The following GRPEL1 variants were observed in gnomAD, a reference collection of about 807,000 sequenced individuals.
The protein encoded by GRPEL1 is grpE protein homolog 1, mitochondrial.
GRPEL1 carries 13 observed loss-of-function variants against 22.1 expected under a neutral mutation model. The observed-to-expected ratio is 0.59, with a 90% CI of 0.38 to 0.94. The LOEUF (loss-of-function observed/expected upper bound fraction) is 0.94. GRPEL1 is among the 40% of genes least tolerant of loss of function. The pLI is 0.00. For synonymous variants in GRPEL1, 109 were observed against 105.3 expected, an observed-to-expected ratio of 1.03 and a Z score of -0.21; for missense variants, 289 against 264.6, an observed-to-expected ratio of 1.09 and a Z score of -0.64.
In GRPEL1 at chr4:7,060,824, T is replaced by A; in HGVS notation, c.*38A>T. ...CAATGAACCAGCCTTGAGAGTTACATCAAGTGAGTTTAAAAACACCCACCC... is the reference window on the plus strand; with the variant it reads ...CAATGAACCAGCCTTGAGAGTTACAACAAGTGAGTTTAAAAACACCCACCC... On this transcript the variant is annotated 3_prime_UTR_variant, in exon 4 of 4. Coordinates refer to ENST00000264954, the MANE Select transcript of GRPEL1 (RefSeq NM_025196.4). 1 of 1,522,692 alleles carries A rather than the reference T, an allele frequency of 6.6e-7. No homozygotes were observed. Among genetic ancestry groups the A allele is most frequent in the Non-Finnish European group, 9.0e-7 (1 of 1,113,428 alleles). 94.3% of individuals were successfully genotyped at this position (1,522,692 alleles called of 1,614,324 possible). A position where few individuals can be genotyped will look rare whatever the true frequency, so the allele number is the denominator to read the frequency against.
In GRPEL1 at chr4:7,068,003, C is replaced by T. The variant is rs1356313208; in HGVS notation, c.30G>A (p.Arg10=). 4 of 1,613,146 alleles carry T rather than the reference C, an allele frequency of 2.5e-6. No individual in the cohort carries two copies. The highest frequency in any genetic ancestry group is 4.5e-5 in the East Asian group (2 of 44,868). MAAQCVRLA[R]RSLPALALSL... Reference sequence around the variant, plus strand: ...ACAACGCCAAAGCAGGAAGACTGCGCCGCGCCAACCTCACGCACTGAGCCG... The same window carrying T: ...ACAACGCCAAAGCAGGAAGACTGCGTCGCGCCAACCTCACGCACTGAGCCG... The change falls in exon 1 of 4, where the codon CGG becomes CGA. Residue 10 remains arginine, a synonymous_variant. Coordinates refer to ENST00000264954, the MANE Select transcript of GRPEL1 (RefSeq NM_025196.4).
At position 7,061,424 on chromosome 4, in the gene GRPEL1, A is replaced by G. The variant is rs1724038435; in HGVS notation, c.308-216T>C. 7 of 538,950 alleles carry G rather than the reference A, an allele frequency of 1.3e-5. No homozygotes were observed. The South Asian group carries it at 1.7e-4, about 13-fold the overall frequency. 33.4% of individuals were successfully genotyped at this position (538,950 alleles called of 1,614,324 possible). A position where few individuals can be genotyped will look rare whatever the true frequency, so the allele number is the denominator to read the frequency against. ...GAATTTACTAAATTTAGAATTCACT[A>G]AAATGTGAAGAAAGGAGTGCAGTAG... On this transcript the variant is annotated intron_variant, in intron 3 of 3. Coordinates refer to ENST00000264954, the MANE Select transcript of GRPEL1 (RefSeq NM_025196.4).
chr4:7,064,778 C>T (rs775251760), intron 1 of GRPEL1, among the ~76,000 whole-genome samples: 7 of 152,250 alleles, frequency 4.6e-5, no homozygotes, highest in East Asian at 1.9e-4. Flanking sequence ...GGATTACAGG[C>T]GTGAGCCACC....
intron 1 of GRPEL1, among the ~76,000 whole-genome samples, chr4:7,064,846 G>A (rs1172836200): frequency 6.6e-6 from 1 of 152,162 alleles, no homozygotes; most frequent in Admixed American, 6.5e-5. Flanking sequence ...CCAAGCTACA[G>A]TATGGTGGCA....
chr4:7,064,462 A>G (rs11947239), intron 1 of GRPEL1: 142 of 327,992 alleles, frequency 4.3e-4, no homozygotes, highest in African/African-American at 2.6e-3. Context: ...AAACATATAT[A>G]TATTTTTTTA....
Position 7,064,140 on chromosome 4 carries a change from T to G in GRPEL1, c.146A>C (p.Gln49Pro). ...NLEEDMGQSE[Q>P]KADPPATEKT... ...CTCTGTAGCAGGAGGATCTGCCTTCTGTTCACTCTGACCCATGTCCTCTTC... is the reference window on the plus strand; with the variant it reads ...CTCTGTAGCAGGAGGATCTGCCTTCGGTTCACTCTGACCCATGTCCTCTTC... Residue 49 changes from glutamine (Q) to proline (P), a missense_variant, in exon 2 of 4, where the codon CAG (glutamine) becomes CCG (proline). Transcript: ENST00000264954. The G allele has an allele frequency of 1.2e-6, 2 of 1,614,244 alleles. No homozygotes were observed. Among genetic ancestry groups the G allele is most frequent in the South Asian group, 1.1e-5 (1 of 91,084 alleles).
intron 1 of GRPEL1, 87 bp from the exon 2 acceptor site, chr4:7,064,310 C>T (rs188846570): frequency 2.9e-6 from 4 of 1,363,062 alleles, no homozygotes; most frequent in Non-Finnish European, 4.0e-6. Flanking sequence ...CTTAAAATAG[C>T]TTCAAACTAT....
At chr4:7,061,290 T>A in intron 3 of GRPEL1, 82 bp from the exon 4 acceptor site, 1 of 1,063,886 alleles carries the variant, frequency 9.4e-7, no homozygotes, top group Non-Finnish European at 1.4e-6. Context: ...TGACCTGATG[T>A]GGAGGCTATT....
At chr4:7,062,094 A>AGGGCTAAG (rs1443149462) in intron 3 of GRPEL1, 1 of 215,476 alleles carries the variant, frequency 4.6e-6, no homozygotes, top group Non-Finnish European at 9.1e-6. Context: ...TTACTTCCGG[A>AGGGCTAAG]GGGCTAAGGG....
Position 7,064,060 on chromosome 4 carries a change from CCA to C in GRPEL1, c.224_225del (p.Val75GlyfsTer4). 6.2e-7 allele frequency: 1 copy of C among 1,613,810 alleles called. No individual in the cohort carries two copies. ...VKLEEQLKET[V>X]EKYKRALADT... ...CCCCACAGGAGCCTCACAGTCCTCA[CCA>C]CAGTCTCCTTCAGCTGTTCCTCCAA... On this transcript the variant is annotated frameshift_variant and splice_region_variant, in exon 2 of 4. Transcript: ENST00000264954. LOFTEE classifies it high-confidence loss of function.
chr4:7,061,485 G>A, intron 3 of GRPEL1: 1 of 366,816 alleles, frequency 2.7e-6, no homozygotes, highest in South Asian at 3.3e-5. Context: ...AAGCCCAGAT[G>A]TCAAGCAAGC....
In GRPEL1 at chr4:7,068,034, A is replaced by T; in HGVS notation, c.-2T>A. The stretch of plus-strand genomic sequence containing the variant: ...CAACCTCACGCACTGAGCCGCCATG[A>T]CTGCCACTGCCCGTCGCAGTCGCCG... On this transcript the variant is annotated 5_prime_UTR_variant, in exon 1 of 4. Transcript: ENST00000264954. 1 of 1,612,606 alleles carries T rather than the reference A, an allele frequency of 6.2e-7. No individual in the cohort carries two copies. The highest frequency in any genetic ancestry group is 8.5e-7 in the Non-Finnish European group (1 of 1,179,656).
chr4:7,067,163 A>G (rs148909217), intron 1 of GRPEL1, among the ~76,000 whole-genome samples: 409 of 152,300 alleles, frequency 2.7e-3, no homozygotes, highest in African/African-American at 9.3e-3. Context: ...GGCTTCTCTA[A>G]TCAATAACTT....
rs1724006723 is a variant in GRPEL1 at position 7,060,276 on chromosome 4, C to T, written c.*586G>A. The T allele has an allele frequency of 6.5e-6, 1 of 152,756 alleles. No homozygotes were observed. The allele number at this position is 152,756 out of a possible 1,614,324, so 9.5% of individuals were successfully genotyped here. A position where few individuals can be genotyped will look rare whatever the true frequency, so the allele number is the denominator to read the frequency against. ...AACTTTGCCAAGCCAAGCTCAATTC[C>T]TGGCCAAATAATGGGGGAGAACTGT... On this transcript the variant is annotated 3_prime_UTR_variant, in exon 4 of 4. Transcript: ENST00000264954.
chr4:7,064,069 C>T lies in GRPEL1; in HGVS notation c.217G>A (p.Glu73Lys), dbSNP rs1380942256. 3 of 1,614,132 alleles carry T rather than the reference C, an allele frequency of 1.9e-6. No homozygotes were observed. Among genetic ancestry groups the T allele is most frequent in the Non-Finnish European group, 2.5e-6 (3 of 1,179,980 alleles). ...EKVKLEEQLKETVEKYKRALA... is the reference protein window; with the variant it reads ...EKVKLEEQLKKTVEKYKRALA... ...AGCCTCACAGTCCTCACCACAGTCT[C>T]CTTCAGCTGTTCCTCCAACTTGACC... The change falls in exon 2 of 4, where the codon GAG (glutamate) becomes AAG (lysine). Residue 73 changes from glutamate to lysine, a missense_variant. By Grantham distance (56) the Glu-to-Lys change is moderately conservative. Transcript: ENST00000264954.
intron 2 of GRPEL1, 97 bp downstream of exon 2, chr4:7,063,964 C>G (rs1392789188): frequency 2.9e-6 from 4 of 1,388,680 alleles, no homozygotes; most frequent in Admixed American, 4.6e-5. Flanking sequence ...TTAACTCTGG[C>G]TTTAGTCTGT....
chr4:7,062,435 TCA>T lies in GRPEL1; in HGVS notation c.255_256del (p.Asn87LeufsTer44). 6.3e-7 allele frequency: 1 copy of T among 1,595,114 alleles called. No individual in the cohort carries two copies. The highest frequency in any genetic ancestry group is 1.3e-5 in the African/African-American group (1 of 74,376). On this transcript the variant is annotated frameshift_variant, in exon 3 of 4. Coordinates refer to ENST00000264954, the MANE Select transcript of GRPEL1 (RefSeq NM_025196.4). LOFTEE classifies it high-confidence loss of function. ...TTTCTGGCTCCTCTGCCGTAAGTTC[TCA>T]GTGTCTGCCAAAGCTCGTTTATATT... is the stretch of plus-strand genomic sequence containing the variant.
chr4:7,066,716 C>G (rs1056903342), intron 1 of GRPEL1, among the ~76,000 whole-genome samples: 1 of 152,178 alleles, frequency 6.6e-6, no homozygotes, highest in Non-Finnish European at 1.5e-5. Context: ...CGAAGCACAG[C>G]CAACACAAAG....
In GRPEL1 at chr4:7,062,256, G is replaced by A. The variant is rs150300846; in HGVS notation, c.307+129C>T. On this transcript the variant is annotated intron_variant, in intron 3 of 3. Coordinates refer to ENST00000264954, the MANE Select transcript of GRPEL1 (RefSeq NM_025196.4). ...CTGTTGAGCCATCATAAAAAAAAAT[G>A]CAGGGGATGCAACAGCTGGACCCCC... The A allele has an allele frequency of 8.9e-3, 3,816 of 431,152 alleles. 53 individuals are homozygous for A. Among genetic ancestry groups the A allele is most frequent in the Middle Eastern group, 0.025 (74 of 2,966 alleles). The allele number at this position is 431,152 out of a possible 1,614,324, so 26.7% of individuals were successfully genotyped here.
Sources: gnomAD v4.1 joint callset for allele counts (sites outside exome capture counted in the v4.1 genomes callset) on GRCh38, gnomAD v4.1.1 for gene constraint, MANE v1.5 for transcripts, NCBI Gene and HGNC (gene_info 2026-07-23, HGNC 2026-07-21) for gene names.